PAPPA: variants seen among roughly 807,000 people sequenced by gnomAD.
PAPPA encodes the protein pappalysin-1.
In PAPPA, 60 loss-of-function variants were observed where a neutral mutation model predicts 164.0. The observed-to-expected ratio is 0.37, with a 90% CI of 0.30 to 0.45. PAPPA has a LOEUF of 0.45. PAPPA is among the 20% of genes least tolerant of loss of function. The pLI, the probability that PAPPA is intolerant of heterozygous loss-of-function variation, is 1.00. For missense variants in PAPPA, 1,782 were observed against 2,087.3 expected (o/e 0.85, Z 2.85); for synonymous variants, 875 against 814.1 (o/e 1.07, Z -1.27).
intron 11 of PAPPA, 26 bp from the exon 12 acceptor site, chr9:116,332,307 A>T (rs1156235523): frequency 6.2e-7 from 1 of 1,604,122 alleles, no homozygotes; most frequent in Non-Finnish European, 8.5e-7. Flanking sequence ...TGCACATGTG[A>T]CCCTCCTACG....
At chr9:116,295,440 G>C (rs1372753298) in intron 9 of PAPPA, among the ~76,000 whole-genome samples, 1 of 151,404 alleles carries the variant, frequency 6.6e-6, no homozygotes, top group Non-Finnish European at 1.5e-5. Flanking sequence ...TGTAATCCCA[G>C]CTACTCAGGA....
chr9:116,398,863 T>C lies in PAPPA; in HGVS notation c.*2247T>C. Reference sequence around the variant, plus strand: ...GAAATAAGAATAGTATTAGAAGAATTGATCCTATTTTGAACCCCTCTCCAG... The same window carrying C: ...GAAATAAGAATAGTATTAGAAGAATCGATCCTATTTTGAACCCCTCTCCAG... On this transcript the variant is annotated 3_prime_UTR_variant, in exon 22 of 22. Coordinates refer to ENST00000328252, the MANE Select transcript of PAPPA (RefSeq NM_002581.5). 1 of 365,340 alleles carries C rather than the reference T, an allele frequency of 2.7e-6. No homozygotes were observed. The highest frequency in any genetic ancestry group is 5.4e-6 in the Non-Finnish European group (1 of 185,518). 22.6% of individuals were successfully genotyped at this position (365,340 alleles called of 1,614,324 possible).
intron 9 of PAPPA, among the ~76,000 whole-genome samples, chr9:116,289,386 G>GCA (rs1564212486): frequency 4.0e-4 from 19 of 47,990 alleles, no homozygotes; most frequent in African/African-American, 1.2e-3. Flanking sequence ...TATAGCATAT[G>GCA]TATATATAGC....
chr9:116,360,951 TG>T (rs1846418756), intron 17 of PAPPA, among the ~76,000 whole-genome samples: 1 of 152,122 alleles, frequency 6.6e-6, no homozygotes, highest in Admixed American at 6.6e-5. Flanking sequence ...GAGAGCAGGA[TG>T]GGTTGTGCCA....
At chr9:116,176,225 C>T (rs1258778345) in intron 1 of PAPPA, among the ~76,000 whole-genome samples, 5 of 152,196 alleles carry the variant, frequency 3.3e-5, no homozygotes, top group African/African-American at 9.6e-5. Context: ...AGTCTGTCTA[C>T]ACACTCAGAG....
chr9:116,354,931 C>T (rs1846333372), intron 17 of PAPPA, among the ~76,000 whole-genome samples: 1 of 151,880 alleles, frequency 6.6e-6, no homozygotes, highest in Non-Finnish European at 1.5e-5. Context: ...GGATTTTCCC[C>T]CCACACCTCT....
chr9:116,159,139 G>A (rs749137488), intron 1 of PAPPA, among the ~76,000 whole-genome samples: 2 of 152,230 alleles, frequency 1.3e-5, no homozygotes, highest in Non-Finnish European at 2.9e-5. Flanking sequence ...AGACAGACAG[G>A]CTTGGAATTT....
At position 116,398,599 on chromosome 9, in the gene PAPPA, C is replaced by A. The variant is rs1272114317; in HGVS notation, c.*1983C>A. The A allele has an allele frequency of 4.1e-6, 5 of 1,212,678 alleles. No individual in the cohort carries two copies. Among genetic ancestry groups the A allele is most frequent in the Non-Finnish European group, 5.4e-6 (5 of 918,886 alleles). 75.1% of individuals were successfully genotyped at this position (1,212,678 alleles called of 1,614,324 possible). On this transcript the variant is annotated 3_prime_UTR_variant, in exon 22 of 22. Transcript: ENST00000328252. The stretch of plus-strand genomic sequence containing the variant: ...GAAGACATCTATTGGCCATCTCTGG[C>A]CAATTACACTAAGAAACATATCAAG...
intron 7 of PAPPA, among the ~76,000 whole-genome samples, chr9:116,257,706 A>T (rs1233505367): frequency 6.6e-6 from 1 of 152,058 alleles, no homozygotes; most frequent in Non-Finnish European, 1.5e-5. Context: ...CGTCTCAAAA[A>T]ACAAAAAAAG....
At chr9:116,207,904 T>A (rs542438679) in intron 3 of PAPPA, among the ~76,000 whole-genome samples, 1 of 152,302 alleles carries the variant, frequency 6.6e-6, no homozygotes, top group South Asian at 2.1e-4. Context: ...CAGTCACAAT[T>A]GGAATTTAAG....
chr9:116,341,484 A>G (rs1212053028), intron 13 of PAPPA, among the ~76,000 whole-genome samples: 1 of 152,170 alleles, frequency 6.6e-6, no homozygotes, highest in Non-Finnish European at 1.5e-5. Context: ...CATTTTACCC[A>G]GGTAGTAGTT....
At chr9:116,361,718 T>C (rs561108209) in intron 17 of PAPPA, among the ~76,000 whole-genome samples, 9 of 152,304 alleles carry the variant, frequency 5.9e-5, no homozygotes, top group African/African-American at 1.9e-4. Flanking sequence ...CACACTGACA[T>C]GGCTGGTGGA....
chr9:116,158,965 A>G (rs1008458214), intron 1 of PAPPA, among the ~76,000 whole-genome samples: 11 of 152,176 alleles, frequency 7.2e-5, no homozygotes, highest in Non-Finnish European at 1.5e-4. Flanking sequence ...AATTATTCAC[A>G]TGCTCTTCCT....
chr9:116,158,703 G>C (rs543315329), intron 1 of PAPPA, among the ~76,000 whole-genome samples: 3 of 152,218 alleles, frequency 2.0e-5, no homozygotes, highest in Non-Finnish European at 4.4e-5. Context: ...AACACTTGAA[G>C]GTATGAAGAA....
chr9:116,228,088 T>C (rs1268731054), intron 6 of PAPPA, among the ~76,000 whole-genome samples: 1 of 152,226 alleles, frequency 6.6e-6, no homozygotes, highest in African/African-American at 2.4e-5. Context: ...ATTGCCACTA[T>C]TATGGGTTCC....
intron 4 of PAPPA, among the ~76,000 whole-genome samples, chr9:116,219,079 C>T (rs1844410930): frequency 6.6e-6 from 1 of 152,212 alleles, no homozygotes; most frequent in South Asian, 2.1e-4. Flanking sequence ...TGTAGTCATG[C>T]AGCACTTTCT....
intron 10 of PAPPA, chr9:116,318,308 A>G (rs545294924): frequency 6.6e-6 from 1 of 152,020 alleles, no homozygotes; most frequent in South Asian, 2.1e-4. Context: ...TCCCACCCCC[A>G]TGGGAGGAGA....
chr9:116,159,039 G>T (rs2118971905), intron 1 of PAPPA, among the ~76,000 whole-genome samples: 1 of 152,316 alleles, frequency 6.6e-6, no homozygotes, highest in South Asian at 2.1e-4. Flanking sequence ...TATACCTACA[G>T]ATCGAAGAGG....
intron 6 of PAPPA, among the ~76,000 whole-genome samples, chr9:116,228,106 A>G (rs1362799030): frequency 2.0e-5 from 3 of 152,188 alleles, no homozygotes; most frequent in East Asian, 1.9e-4. Flanking sequence ...TCCACCCACT[A>G]TCAGACTCTT....
Sources: allele counts gnomAD v4.1 joint callset (sites outside exome capture counted in the v4.1 genomes callset), GRCh38; gene constraint gnomAD v4.1.1; transcripts MANE v1.5; gene names NCBI Gene and HGNC (gene_info 2026-07-23, HGNC 2026-07-21).